SRBD1: variants seen among roughly 807,000 people sequenced by gnomAD.
The protein encoded by SRBD1 is S1 RNA binding domain 1.
A neutral mutation model predicts 115.3 loss-of-function variants in SRBD1; 88 were observed. The observed-to-expected ratio is 0.76, with a 90% confidence interval of 0.64 to 0.91. The LOEUF (loss-of-function observed/expected upper bound fraction) is 0.91. Among genes scored for constraint, SRBD1 ranks in the 40% least tolerant of loss-of-function variants. The probability of loss-of-function intolerance (pLI) is 0.00; values close to 1 mark genes in which losing one functional copy is unlikely to be tolerated. For missense variants in SRBD1, 1,385 were observed against 1,177.4 expected, an observed-to-expected ratio of 1.18 and a Z score of -2.58; for synonymous variants, 509 against 407.7, an observed-to-expected ratio of 1.25 and a Z score of -2.99.
At chr2:45,531,666 A>C (rs2103984247) in intron 14 of SRBD1, among the ~76,000 whole-genome samples, 1 of 148,038 alleles carries the variant, frequency 6.8e-6, no homozygotes, top group South Asian at 2.1e-4. Context: ...ACAAAGAAGT[A>C]ACCAGGGTTT....
At chr2:45,498,114 A>C (rs561591424) in intron 14 of SRBD1, among the ~76,000 whole-genome samples, 1 of 152,304 alleles carries the variant, frequency 6.6e-6, no homozygotes, top group East Asian at 1.9e-4. Flanking sequence ...GTGGCTATGA[A>C]GTGTTATCTA....
Position 45,599,830 on chromosome 2 carries a change from G to A in SRBD1, c.267C>T (p.Ser89=). 6.2e-7 allele frequency: 1 copy of A among 1,606,458 alleles called. No individual in the cohort carries two copies. The highest frequency in any genetic ancestry group is 8.5e-7 in the Non-Finnish European group (1 of 1,177,332). The part of the protein sequence containing the change: ...EVVVVKEELN[S]SVAIADTALE... ...AAGCAGTATCAGCAATAGCCACAGA[G>A]CTATTCTATCAAACCACAAAGAGAA... The change falls in exon 4 of 21, where the codon AGC becomes AGT. Residue 89 remains serine, a synonymous_variant. Transcript: ENST00000263736.
intron 16 of SRBD1, among the ~76,000 whole-genome samples, chr2:45,425,430 T>C (rs1410264781): frequency 6.6e-6 from 1 of 152,036 alleles, no homozygotes; most frequent in African/African-American, 2.4e-5. Context: ...AATCTAAATA[T>C]CCACATAGAG....
intron 16 of SRBD1, among the ~76,000 whole-genome samples, chr2:45,433,798 G>T (rs1414185225): frequency 1.3e-5 from 2 of 152,198 alleles, no homozygotes; most frequent in Admixed American, 6.5e-5. Context: ...AATAATATTG[G>T]AAGAAGACTT....
intron 14 of SRBD1, among the ~76,000 whole-genome samples, chr2:45,535,813 G>A (rs1382133377): frequency 1.3e-5 from 2 of 151,922 alleles, no homozygotes; most frequent in Non-Finnish European, 2.9e-5. Flanking sequence ...TTATCTAGAA[G>A]CAATGAGATT....
intron 14 of SRBD1, among the ~76,000 whole-genome samples, chr2:45,530,874 C>G (rs1671589866): frequency 6.6e-6 from 1 of 151,942 alleles, no homozygotes; most frequent in African/African-American, 2.4e-5. Flanking sequence ...CCCAGATACT[C>G]ACAAAAGGCT....
intron 14 of SRBD1, among the ~76,000 whole-genome samples, chr2:45,503,900 T>A (rs1670716762): frequency 6.6e-6 from 1 of 152,114 alleles, no homozygotes; most frequent in Non-Finnish European, 1.5e-5. Flanking sequence ...AAAACTGTTA[T>A]AATAGGCAGA....
At chr2:45,540,117 C>A (rs978616623) in intron 14 of SRBD1, among the ~76,000 whole-genome samples, 3 of 151,944 alleles carry the variant, frequency 2.0e-5, no homozygotes, top group African/African-American at 7.2e-5. Context: ...CCATGGCAGG[C>A]GGATCATGAG....
At chr2:45,503,124 A>T (rs1195560692) in intron 14 of SRBD1, among the ~76,000 whole-genome samples, 1 of 152,242 alleles carries the variant, frequency 6.6e-6, no homozygotes, top group Non-Finnish European at 1.5e-5. Flanking sequence ...TGCACAATAC[A>T]TAAATGTCTT....
chr2:45,610,264 C>T (rs1674403699), intron 1 of SRBD1, among the ~76,000 whole-genome samples: 1 of 152,048 alleles, frequency 6.6e-6, no homozygotes, highest in Non-Finnish European at 1.5e-5. Context: ...CTAACAAATA[C>T]TAAATTAAAA....
At chr2:45,460,143 T>C (rs1352946440) in intron 16 of SRBD1, among the ~76,000 whole-genome samples, 3 of 152,200 alleles carry the variant, frequency 2.0e-5, no homozygotes, top group South Asian at 4.1e-4. Flanking sequence ...CCATGTTCCA[T>C]TTTATTCACA....
Position 45,512,199 on chromosome 2 carries a change from T to C in SRBD1, c.1875-23868A>G, listed in dbSNP as rs200880805. Among the ~76,000 whole-genome samples, 19 of 152,330 alleles carry C rather than the reference T, an allele frequency of 1.2e-4. No individual in the cohort carries two copies. The East Asian group carries it at 3.5e-3, about 28-fold the overall frequency. On this transcript the variant is annotated intron_variant, in intron 14 of 20. Coordinates refer to ENST00000263736, the MANE Select transcript of SRBD1 (RefSeq NM_018079.5). Reference sequence around the variant, plus strand: ...TTTCTCTAACTTGAGCTTCTAAACCTGAAGGCTGCTTAAAGAAAAGGAAAG... The same window carrying C: ...TTTCTCTAACTTGAGCTTCTAAACCCGAAGGCTGCTTAAAGAAAAGGAAAG...
chr2:45,572,740 TA>T (rs1358852570), intron 9 of SRBD1, among the ~76,000 whole-genome samples: 1 of 152,166 alleles, frequency 6.6e-6, no homozygotes, highest in Non-Finnish European at 1.5e-5. Context: ...AATGTAGATA[TA>T]GCCTACGACT....
chr2:45,428,992 A>G (rs1668247360), intron 16 of SRBD1, among the ~76,000 whole-genome samples: 1 of 152,206 alleles, frequency 6.6e-6, no homozygotes, highest in African/African-American at 2.4e-5. Context: ...AGAAATACAA[A>G]CTATCATCAG....
At chr2:45,576,205 T>C (rs1673172023) in intron 7 of SRBD1, among the ~76,000 whole-genome samples, 1 of 152,210 alleles carries the variant, frequency 6.6e-6, no homozygotes, top group South Asian at 2.1e-4. Context: ...CACTTCCATT[T>C]AATAAACAGT....
Position 45,389,363 on chromosome 2 carries a change from T to G in SRBD1, c.2935A>C (p.Asn979His). 6.2e-7 allele frequency: 1 copy of G among 1,614,082 alleles called. No individual in the cohort carries two copies. Among genetic ancestry groups the G allele is most frequent in the Non-Finnish European group, 8.5e-7 (1 of 1,179,960 alleles). The change falls in exon 21 of 21, where the codon AAC becomes CAC. Residue 979 changes from asparagine to histidine, a missense_variant. Coordinates refer to ENST00000263736, the MANE Select transcript of SRBD1 (RefSeq NM_018079.5). ...ATCCTAGATCGGGGGATGTCAATGT[T>G]GAGTACTTGGACTTCCACTCTTTCT... ...PGERVEVQVL[N>H]IDIPRSRITL...
intron 16 of SRBD1, among the ~76,000 whole-genome samples, chr2:45,445,211 G>C (rs1005861942): frequency 6.6e-6 from 1 of 152,204 alleles, no homozygotes; most frequent in East Asian, 1.9e-4. Context: ...CTGGGACTCA[G>C]CTGAAAAAAG....
At chr2:45,555,867 C>A (rs989944574) in intron 10 of SRBD1, among the ~76,000 whole-genome samples, 3 of 152,096 alleles carry the variant, frequency 2.0e-5, no homozygotes, top group African/African-American at 7.2e-5. Context: ...GGCATATAAA[C>A]CTGTTGGTCC....
chr2:45,543,804 T>C (rs1448578871), intron 14 of SRBD1, among the ~76,000 whole-genome samples: 2 of 152,142 alleles, frequency 1.3e-5, no homozygotes, highest in Non-Finnish European at 2.9e-5. Flanking sequence ...ACAGTGTAAG[T>C]AGAGTTAAAT....
Sources: allele counts gnomAD v4.1 joint callset (sites outside exome capture counted in the v4.1 genomes callset), GRCh38; gene constraint gnomAD v4.1.1; transcripts MANE v1.5; gene names NCBI Gene and HGNC (gene_info 2026-07-23, HGNC 2026-07-21).